CD163L1: variants seen among roughly 807,000 people sequenced by gnomAD.
CD163L1 encodes CD163 molecule like 1.
In CD163L1, 124 loss-of-function variants were observed where a neutral mutation model predicts 165.4. That is an observed-to-expected ratio of 0.75 (90% CI 0.65 to 0.87). The LOEUF (loss-of-function observed/expected upper bound fraction) is 0.87. Ranked by LOEUF, CD163L1 falls within the 40% of genes least tolerant of loss-of-function variation. CD163L1 has a pLI of 0.00. For synonymous variants in CD163L1, 585 were observed against 662.2 expected, an observed-to-expected ratio of 0.88 and a Z score of 1.79; for missense variants, 1,525 against 1,799.9, an observed-to-expected ratio of 0.85 and a Z score of 2.76.
At chr12:7,371,527 T>C (rs1007390090) in intron 14 of CD163L1, among the ~76,000 whole-genome samples, 1 of 152,090 alleles carries the variant, frequency 6.6e-6, no homozygotes, top group Non-Finnish European at 1.5e-5. Context: ...CATATACATA[T>C]AGATGCAAAT....
rs768379447 is a variant in CD163L1 at position 7,406,781 on chromosome 12, G to T, written c.838C>A (p.Gln280Lys). 6.2e-7 allele frequency: 1 copy of T among 1,613,870 alleles called. No individual in the cohort carries two copies. The highest frequency in any genetic ancestry group is 2.2e-5 in the East Asian group (1 of 44,860). Residue 280 changes from glutamine (Q) to lysine (K), a missense_variant, in exon 5 of 20, where the codon CAA becomes AAA. Physicochemically the swap from Gln to Lys is moderately conservative, Grantham distance 53 (BLOSUM62 1). Coordinates refer to ENST00000313599, the MANE Select transcript of CD163L1 (RefSeq NM_174941.6). ...RCMGRVELKI[Q>K]GRWGTVCHHK... ...TGGCATACGGTCCCCCACCTTCCTT[G>T]GATTTTCAGCTCTACTCTCCCCATA...
intron 4 of CD163L1, among the ~76,000 whole-genome samples, chr12:7,431,954 A>G (rs951460281): frequency 9.2e-5 from 14 of 152,090 alleles, no homozygotes; most frequent in African/African-American, 3.4e-4. Context: ...TCTGGTGTGG[A>G]ATTTTAGTTG....
Position 7,370,482 on chromosome 12 carries a change from CTA to C in CD163L1, c.3731-819_3731-818del, listed in dbSNP as rs762513106. On this transcript the variant is annotated intron_variant, in intron 14 of 19. Coordinates refer to ENST00000313599, the MANE Select transcript of CD163L1 (RefSeq NM_174941.6). ...ACCAAAAGAGAATCTCGGGATTTCTCTATTGGATTTTAGTTCCCGTAATAGTA... is the reference window on the plus strand; with the variant it reads ...ACCAAAAGAGAATCTCGGGATTTCTCTTGGATTTTAGTTCCCGTAATAGTA... Among the ~76,000 whole-genome samples the C allele has an allele frequency of 2.2e-3, 333 of 152,260 alleles. 1 individual carries two copies. Among genetic ancestry groups the C allele is most frequent in the African/African-American group, 7.1e-3 (297 of 41,552 alleles).
downstream of CD163L1, among the ~76,000 whole-genome samples, chr12:7,346,272 T>C (rs184893067): frequency 1.3e-5 from 2 of 152,248 alleles, no homozygotes; most frequent in Admixed American, 1.3e-4. Context: ...ATTTATTCTT[T>C]TTTATTCCAT....
chr12:7,439,701 C>T, intron 2 of CD163L1: 2 of 1,612,118 alleles, frequency 1.2e-6, no homozygotes, highest in Non-Finnish European at 1.7e-6. Context: ...TACAGTCCTC[C>T]AGGTGAGTCT....
In CD163L1 at chr12:7,373,472, C is replaced by T. The variant is rs1565778653; in HGVS notation, c.3578G>A (p.Ser1193Asn). Residue 1193 changes from serine to asparagine, a missense_variant, in exon 14 of 20, where the codon AGC becomes AAC. Coordinates refer to ENST00000313599, the MANE Select transcript of CD163L1 (RefSeq NM_174941.6). ...GCCTGTCTTAGATAAAGGGGCGAGG[C>T]TGACAACTCCATTCTCCCCACAGCC... Reference protein sequence around the residue: ...QLGCGENGVVSLAPLSKTGSG... With the variant: ...QLGCGENGVVNLAPLSKTGSG... 1 of 1,614,106 alleles carries T rather than the reference C, an allele frequency of 6.2e-7. No individual in the cohort carries two copies. Among genetic ancestry groups the T allele is most frequent in the African/African-American group, 1.3e-5 (1 of 74,936 alleles).
downstream of CD163L1, among the ~76,000 whole-genome samples, chr12:7,346,143 A>G (rs1382246261): frequency 3.3e-5 from 5 of 150,414 alleles, no homozygotes; most frequent in Non-Finnish European, 7.3e-5. Context: ...CAATATAGCC[A>G]TGGGATGTTA....
Position 7,374,754 on chromosome 12 carries a change from C to T in CD163L1, c.3097G>A (p.Asp1033Asn). ...CCATCCACTAGGCGGAGCCGTTTGT[C>T]CTCTTAGAGGAGAAAGTCCAGTTAA... is the stretch of plus-strand genomic sequence containing the variant. ...PEGSALICLE[D>N]KRLRLVDGDS... Residue 1033 changes from aspartate to asparagine, a missense_variant and splice_region_variant, in exon 13 of 20, where the codon GAC becomes AAC. Asp to Asn is a conservative substitution (Grantham distance 23). Transcript: ENST00000313599. This position sits in a 1 kb window ranked among gnomAD's most constrained non-coding sequence, Gnocchi z 5.4. 6.2e-7 allele frequency: 1 copy of T among 1,613,632 alleles called. No individual in the cohort carries two copies. The highest frequency in any genetic ancestry group is 8.5e-7 in the Non-Finnish European group (1 of 1,179,682).
chr12:7,360,741 C>T (rs1946874147), intron 18 of CD163L1, among the ~76,000 whole-genome samples: 1 of 152,072 alleles, frequency 6.6e-6, no homozygotes, highest in African/African-American at 2.4e-5. Flanking sequence ...AGCTTTCATG[C>T]TGTTACAGTC....
At chr12:7,403,930 T>A (rs1186415367) in intron 5 of CD163L1, 75 bp from the exon 6 acceptor site, 1 of 1,188,498 alleles carries the variant, frequency 8.4e-7, no homozygotes, top group Admixed American at 2.0e-5. Flanking sequence ...CTCCAACCCC[T>A]CCAATGTGAA....
chr12:7,432,204 T>C lies in CD163L1; in HGVS notation c.766+212A>G, dbSNP rs1948641420. ...GAATACTGCTGAGTGATCAGAAATA[T>C]TAAAACTCAAAATGTGCTTTAGATT... is the stretch of plus-strand genomic sequence containing the variant. On this transcript the variant is annotated intron_variant, in intron 4 of 19. Transcript: ENST00000313599. This position sits in a 1 kb window ranked among gnomAD's most constrained non-coding sequence, Gnocchi z 4.2. Among the ~76,000 whole-genome samples the C allele has an allele frequency of 6.6e-6, 1 of 152,208 alleles. No homozygotes were observed. Among genetic ancestry groups the C allele is most frequent in the African/African-American group, 2.4e-5 (1 of 41,454 alleles).
intron 4 of CD163L1, among the ~76,000 whole-genome samples, chr12:7,416,169 C>T (rs981717821): frequency 4.6e-5 from 7 of 152,106 alleles, no homozygotes; most frequent in Admixed American, 2.0e-4. Context: ...ATTTCTCAGA[C>T]GACCAGTGAT....
In CD163L1 at chr12:7,368,169, G is replaced by A. The variant is rs1129724; in HGVS notation, c.4101C>T (p.Ile1367=). The change falls in exon 17 of 20, where the codon ATC becomes ATT. Residue 1367 remains isoleucine (I), a synonymous_variant. Transcript: ENST00000313599. This position sits in a 1 kb window ranked among gnomAD's most constrained non-coding sequence, Gnocchi z 4.3. The part of the protein sequence containing the change: ...SGHLALILSS[I]FGLLLLVLFI... ...ACAGAACCAGGAGAAGGAGCCCAAA[G>A]ATACTGGATAAAATAAGTGCTAAAT... The A allele has an allele frequency of 1.9e-6, 3 of 1,607,468 alleles. No homozygotes were observed. The East Asian group carries it at 6.7e-5, about 36-fold the overall frequency.
In CD163L1 at chr12:7,369,263, G is replaced by GT; in HGVS notation, c.4039+93dup. On this transcript the variant is annotated intron_variant, in intron 15 of 19. Coordinates refer to ENST00000313599, the MANE Select transcript of CD163L1 (RefSeq NM_174941.6). This position sits in a 1 kb window ranked among gnomAD's most constrained non-coding sequence, Gnocchi z 4.9. ...TTTCATTCTTCAACAAGAAATCCTA[G>GT]TATCTTCAGCTCAACTCTCTGAGTG... 1 of 1,304,408 alleles carries GT rather than the reference G, an allele frequency of 7.7e-7. No homozygotes were observed. The highest frequency in any genetic ancestry group is 1.1e-6 in the Non-Finnish European group (1 of 936,766). 80.8% of individuals were successfully genotyped at this position (1,304,408 alleles called of 1,614,324 possible). A position where few individuals can be genotyped will look rare whatever the true frequency, so the allele number is the denominator to read the frequency against.
At chr12:7,338,654 C>A in the CD163L1 span, among the ~76,000 whole-genome samples, 2 of 152,122 alleles carry the variant, frequency 1.3e-5, no homozygotes, top group East Asian at 1.9e-4. Context: ...TCCTGGTCTA[C>A]CCCGCTGATC....
At chr12:7,442,439 CG>C (rs1948843363) in intron 1 of CD163L1, among the ~76,000 whole-genome samples, 1 of 152,138 alleles carries the variant, frequency 6.6e-6, no homozygotes, top group South Asian at 2.1e-4. Flanking sequence ...AAATGGATCC[CG>C]GGCACTTCTC....
downstream of CD163L1, among the ~76,000 whole-genome samples, chr12:7,351,102 G>A (rs1194259466): frequency 6.6e-6 from 1 of 151,932 alleles, no homozygotes; most frequent in Non-Finnish European, 1.5e-5. Context: ...TCTTTATAAA[G>A]TCTTCTTTGA....
chr12:7,332,541 A>G, the CD163L1 span, among the ~76,000 whole-genome samples: 2 of 152,226 alleles, frequency 1.3e-5, no homozygotes, highest in Non-Finnish European at 2.9e-5. Context: ...GAGAAAGGTC[A>G]GGTTACCCAC....
At chr12:7,425,365 TA>T (rs1374825022) in intron 4 of CD163L1, among the ~76,000 whole-genome samples, 5 of 152,166 alleles carry the variant, frequency 3.3e-5, no homozygotes, top group African/African-American at 1.2e-4. Flanking sequence ...ATGTAAAACC[TA>T]AAATCATACA....
Sources: allele counts gnomAD v4.1 joint callset (sites outside exome capture counted in the v4.1 genomes callset), GRCh38; gene constraint gnomAD v4.1.1; non-coding constraint Gnocchi (gnomAD v3.1); transcripts MANE v1.5; gene names NCBI Gene and HGNC (gene_info 2026-07-23, HGNC 2026-07-21).